ERC1: variants seen among roughly 807,000 people sequenced by gnomAD.
ERC1 encodes RAB6 interacting protein 2.
A neutral mutation model predicts 132.0 loss-of-function variants in ERC1; 56 were observed. The observed-to-expected ratio is 0.42, with a 90% CI of 0.34 to 0.53. The LOEUF (loss-of-function observed/expected upper bound fraction) is 0.53, where lower values mean the gene tolerates loss of function less well. Ranked by LOEUF, ERC1 falls within the 20% of genes least tolerant of loss-of-function variation. The pLI, the probability that ERC1 is intolerant of heterozygous loss-of-function variation, is 0.03. For synonymous variants in ERC1, 478 were observed against 476.1 expected (o/e 1.00, Z -0.05); for missense variants, 1,202 against 1,349.9 (o/e 0.89, Z 1.72).
At chr12:1,142,797 G>A (rs888306766) in intron 8 of ERC1, among the ~76,000 whole-genome samples, 2 of 152,006 alleles carry the variant, frequency 1.3e-5, no homozygotes, top group African/African-American at 4.8e-5. Context: ...ACCCATTTTT[G>A]TTTTGAGTTC....
At chr12:1,196,085 C>T (rs760257673) in intron 12 of ERC1, among the ~76,000 whole-genome samples, 2 of 152,098 alleles carry the variant, frequency 1.3e-5, no homozygotes, top group Non-Finnish European at 2.9e-5. Context: ...GAATAACTTC[C>T]TCACTGTGCT....
intron 2 of ERC1, among the ~76,000 whole-genome samples, chr12:1,068,956 C>G (rs754577178): frequency 6.6e-6 from 1 of 151,508 alleles, no homozygotes; most frequent in Non-Finnish European, 1.5e-5. Flanking sequence ...TCTTTTTTGG[C>G]GAATGGTTGT....
intron 11 of ERC1, among the ~76,000 whole-genome samples, chr12:1,186,693 A>G (rs1336748567): frequency 2.0e-5 from 3 of 152,260 alleles, no homozygotes; most frequent in Non-Finnish European, 4.4e-5. Flanking sequence ...AAAGGGGAGA[A>G]GAAAATGAAG....
At chr12:1,394,448 C>G (rs1489623507) in intron 16 of ERC1, among the ~76,000 whole-genome samples, 1 of 152,028 alleles carries the variant, frequency 6.6e-6, no homozygotes, top group Admixed American at 6.6e-5. Context: ...GTTTTCGTGG[C>G]CTCTGTATCT....
chr12:1,353,691 G>C (rs1340333621), intron 15 of ERC1, among the ~76,000 whole-genome samples: 1 of 152,068 alleles, frequency 6.6e-6, no homozygotes, highest in Non-Finnish European at 1.5e-5. Flanking sequence ...GAGGTCTCTT[G>C]TTATGCTAAG....
At position 1,180,629 on chromosome 12, in the gene ERC1, C is replaced by G; in HGVS notation, c.1827C>G (p.Thr609=). The change falls in exon 9 of 19, where the codon ACC becomes ACG. Residue 609 remains threonine (T), a synonymous_variant. Coordinates refer to ENST00000360905, the MANE Select transcript of ERC1 (RefSeq NM_178040.4). ...ERVKSLQADT[T]NTDTALTTLE... Reference sequence around the variant, plus strand: ...TCAAATCCTTGCAGGCTGACACCACCAACACTGACACTGCCTTGACAACTT... The same window carrying G: ...TCAAATCCTTGCAGGCTGACACCACGAACACTGACACTGCCTTGACAACTT... 1 of 1,614,024 alleles carries G rather than the reference C, an allele frequency of 6.2e-7. No homozygotes were observed. The highest frequency in any genetic ancestry group is 8.5e-7 in the Non-Finnish European group (1 of 1,180,032).
chr12:1,256,418 T>TA (rs796558976), intron 13 of ERC1, among the ~76,000 whole-genome samples: 27,654 of 123,580 alleles, frequency 0.22, 3,482 homozygotes, highest in Middle Eastern at 0.29. Flanking sequence ...GTTCTCAGAC[T>TA]AAAAAAAAAA....
At chr12:1,312,263 A>G (rs1177910553) in intron 15 of ERC1, among the ~76,000 whole-genome samples, 1 of 152,210 alleles carries the variant, frequency 6.6e-6, no homozygotes, top group Non-Finnish European at 1.5e-5. Flanking sequence ...TTTAAGCAGT[A>G]AAGGTATCAA....
chr12:1,228,631 C>T (rs1310958543), intron 12 of ERC1, among the ~76,000 whole-genome samples: 1 of 152,088 alleles, frequency 6.6e-6, no homozygotes, highest in Non-Finnish European at 1.5e-5. Flanking sequence ...GAAAAGCTTT[C>T]AACTTTTCAC....
rs529965939 is a variant in ERC1, at chr12:1,036,782, A to G, written c.669+8210A>G. Reference sequence around the variant, plus strand: ...GATTATTGTTTTAATTTTCTTTTTGATAATTCTGTTTTAACAAGGAGATGT... The same window carrying G: ...GATTATTGTTTTAATTTTCTTTTTGGTAATTCTGTTTTAACAAGGAGATGT... On this transcript the variant is annotated intron_variant, in intron 2 of 18. Transcript: ENST00000360905. Among the ~76,000 whole-genome samples the G allele has an allele frequency of 3.9e-5, 6 of 152,276 alleles. No homozygotes were observed. The South Asian group carries it at 6.2e-4, about 16-fold the overall frequency.
chr12:1,216,465 T>G (rs1958415886), intron 12 of ERC1, among the ~76,000 whole-genome samples: 1 of 152,108 alleles, frequency 6.6e-6, no homozygotes, highest in Non-Finnish European at 1.5e-5. Flanking sequence ...GTTTTTAAGC[T>G]GAGCCCTGTG....
At chr12:1,060,243 G>A (rs1973751817) in intron 2 of ERC1, among the ~76,000 whole-genome samples, 1 of 148,116 alleles carries the variant, frequency 6.8e-6, no homozygotes, top group African/African-American at 2.5e-5. Flanking sequence ...AGTTACATAT[G>A]TATACATGTG....
intron 8 of ERC1, among the ~76,000 whole-genome samples, chr12:1,174,898 C>T (rs541224516): frequency 1.3e-5 from 2 of 152,314 alleles, no homozygotes; most frequent in Non-Finnish European, 2.9e-5. Context: ...GCATTGTGTT[C>T]TGTATATACA....
chr12:1,261,711 C>T (rs1447557681), intron 13 of ERC1, among the ~76,000 whole-genome samples: 1 of 151,890 alleles, frequency 6.6e-6, no homozygotes, highest in Non-Finnish European at 1.5e-5. Flanking sequence ...GATAAACTGC[C>T]CTACATAAAA....
At chr12:1,300,382 A>C (rs2080295135) in intron 15 of ERC1, among the ~76,000 whole-genome samples, 1 of 152,202 alleles carries the variant, frequency 6.6e-6, no homozygotes, top group African/African-American at 2.4e-5. Flanking sequence ...CAACCTAGGC[A>C]ATACCATGGG....
chr12:1,070,545 C>G (rs1321403968), intron 2 of ERC1, among the ~76,000 whole-genome samples: 2 of 152,090 alleles, frequency 1.3e-5, no homozygotes, highest in Non-Finnish European at 2.9e-5. Flanking sequence ...CTCGGCTTCT[C>G]AAAGTGCTGG....
At chr12:1,440,828 T>C (rs1205860550) in intron 17 of ERC1, among the ~76,000 whole-genome samples, 2 of 151,806 alleles carry the variant, frequency 1.3e-5, no homozygotes, top group African/African-American at 2.4e-5. Flanking sequence ...ATATTTTTAG[T>C]AGAGACAAGG....
chr12:1,029,071 T>G (rs777428636), intron 2 of ERC1, among the ~76,000 whole-genome samples: 1 of 152,216 alleles, frequency 6.6e-6, no homozygotes, highest in Non-Finnish European at 1.5e-5. Flanking sequence ...AAAGTTAATG[T>G]TGGCCGGGTG....
chr12:1,093,933 T>G (rs1447571050), intron 3 of ERC1, among the ~76,000 whole-genome samples: 1 of 102,122 alleles, frequency 9.8e-6, no homozygotes, highest in Admixed American at 1.1e-4. Context: ...ATGTATATTT[T>G]TCTATATAAA....
Sources: gnomAD v4.1 joint callset for allele counts (sites outside exome capture counted in the v4.1 genomes callset) on GRCh38, gnomAD v4.1.1 for gene constraint, MANE v1.5 for transcripts, NCBI Gene and HGNC (gene_info 2026-07-23, HGNC 2026-07-21) for gene names.